The following BLTP1 variants were observed in gnomAD, a reference collection of about 807,000 sequenced individuals.
BLTP1 encodes fragile site-associated protein.
At chr4:122,289,760 C>G in the BLTP1 span, 2 of 974,754 alleles carry the variant, frequency 2.1e-6, no homozygotes, top group South Asian at 9.5e-5. Context: ...AATTTTTAAG[C>G]CACATCCATA....
At chr4:122,231,570 TTC>T in the BLTP1 span, 1 of 801,456 alleles carries the variant, frequency 1.2e-6, no homozygotes, top group Non-Finnish European at 1.5e-6. Context: ...TGTTTTTATT[TTC>T]ATATATGACT....
At chr4:122,191,754 A>G in the BLTP1 span, among the ~76,000 whole-genome samples, 2 of 152,126 alleles carry the variant, frequency 1.3e-5, no homozygotes, top group African/African-American at 4.8e-5. Context: ...TTTTCTATCT[A>G]CATATCTTTA....
chr4:122,298,306 TC>T, the BLTP1 span: 3 of 659,916 alleles, frequency 4.5e-6, no homozygotes, highest in Non-Finnish European at 5.6e-6. Flanking sequence ...TGCACCATGC[TC>T]TTGCCTATAG....
the BLTP1 span, among the ~76,000 whole-genome samples, chr4:122,165,217 C>T: frequency 1.3e-5 from 2 of 151,908 alleles, no homozygotes; most frequent in African/African-American, 4.8e-5. Flanking sequence ...GCTGTCCCTC[C>T]CCTCTCCCCC....
the BLTP1 span, among the ~76,000 whole-genome samples, chr4:122,345,590 G>C: frequency 6.8e-3 from 1,035 of 151,706 alleles, 11 homozygotes; most frequent in African/African-American, 0.024. Context: ...AATAGGACCT[G>C]ATTGTGGAGG....
the BLTP1 span, among the ~76,000 whole-genome samples, chr4:122,317,591 T>C: frequency 2.6e-5 from 4 of 152,246 alleles, no homozygotes; most frequent in African/African-American, 9.6e-5. Flanking sequence ...CAAAAGGTAA[T>C]GGTCATGCCT....
chr4:122,247,096 A>G, the BLTP1 span: 6 of 1,517,044 alleles, frequency 4.0e-6, no homozygotes, highest in African/African-American at 8.4e-5. Context: ...TTTTAGGTAA[A>G]TGTTTTCTCT....
At chr4:122,355,125 A>G in the BLTP1 span, among the ~76,000 whole-genome samples, 113 of 152,198 alleles carry the variant, frequency 7.4e-4, 4 homozygotes, top group South Asian at 0.023. Context: ...TGACTATTTT[A>G]CCTTCCAAAC....
the BLTP1 span, chr4:122,154,104 A>G: frequency 1.5e-5 from 15 of 985,078 alleles, no homozygotes; most frequent in Non-Finnish European, 1.8e-5. Flanking sequence ...ACTCTGGAAA[A>G]AAACTTGGGT....
the BLTP1 span, chr4:122,343,690 G>A: frequency 5.6e-5 from 81 of 1,451,496 alleles, no homozygotes; most frequent in Admixed American, 1.3e-4. Flanking sequence ...TAAATCATAA[G>A]GACATAGCCA....
At chr4:122,346,560 C>T in the BLTP1 span, 1 of 1,569,734 alleles carries the variant, frequency 6.4e-7, no homozygotes, top group Non-Finnish European at 8.6e-7. Context: ...TGTCTTATAC[C>T]TACCATGTGA....
the BLTP1 span, chr4:122,174,444 G>A: frequency 7.0e-7 from 1 of 1,436,574 alleles, no homozygotes; most frequent in East Asian, 2.5e-5. Context: ...AAGGCTGTAA[G>A]GGTATCAGGA....
chr4:122,241,136 A>T, the BLTP1 span, among the ~76,000 whole-genome samples: 4 of 152,330 alleles, frequency 2.6e-5, no homozygotes, highest in African/African-American at 9.6e-5. Context: ...TTGTATTGAG[A>T]TGAAAGGTCC....
At chr4:122,225,639 GA>G in the BLTP1 span, 4 of 152,094 alleles carry the variant, frequency 2.6e-5, no homozygotes, top group Non-Finnish European at 4.4e-5. Flanking sequence ...GAATAGAATT[GA>G]AAAGGGATAT....
the BLTP1 span, chr4:122,257,441 G>T: frequency 1.9e-6 from 3 of 1,614,012 alleles, no homozygotes; most frequent in African/African-American, 1.3e-5. Flanking sequence ...GGACAATGGG[G>T]GTGGTCTTCA....
chr4:122,155,014 A>G, the BLTP1 span: 2 of 798,350 alleles, frequency 2.5e-6, no homozygotes, highest in Non-Finnish European at 3.0e-6. Context: ...GTGATTAAGA[A>G]GCAGTGTAAT....
At chr4:122,276,541 G>A in the BLTP1 span, 6 of 984,950 alleles carry the variant, frequency 6.1e-6, no homozygotes, top group South Asian at 2.8e-4. Flanking sequence ...GATGAATGCT[G>A]TTCACATCTA....
At chr4:122,300,898 T>C in the BLTP1 span, 1 of 981,174 alleles carries the variant, frequency 1.0e-6, no homozygotes, top group Middle Eastern at 5.2e-4. Flanking sequence ...CATTATTTTC[T>C]GTATGCCACA....
At chr4:122,227,085 T>C in the BLTP1 span, 1 of 556,490 alleles carries the variant, frequency 1.8e-6, no homozygotes, top group Non-Finnish European at 2.5e-6. Flanking sequence ...ACATTTTTAC[T>C]GTTAACATTC....
Sources: allele counts gnomAD v4.1 joint callset (sites outside exome capture counted in the v4.1 genomes callset), GRCh38; gene constraint gnomAD v4.1.1; transcripts MANE v1.5; gene names NCBI Gene and HGNC (gene_info 2026-07-23, HGNC 2026-07-21).